SLC20A2: variants seen among roughly 807,000 people sequenced by gnomAD.
SLC20A2 encodes the protein solute carrier family 20 member 2, also known as sodium-dependent phosphate transporter 2.
Under a neutral mutation model 61.0 loss-of-function variants are expected in SLC20A2, and 30 were observed. That is an observed-to-expected ratio of 0.49 (90% CI 0.37 to 0.67). The LOEUF (loss-of-function observed/expected upper bound fraction) is 0.67, where lower values mean the gene tolerates loss of function less well. Among genes scored for constraint, SLC20A2 ranks in the 30% least tolerant of loss-of-function variants. The pLI, the probability that SLC20A2 is intolerant of heterozygous loss-of-function variation, is 0.00. For synonymous variants in SLC20A2, 351 were observed against 353.3 expected (o/e 0.99, Z 0.07); for missense variants, 626 against 866.4 (o/e 0.72, Z 3.48).
chr8:42,518,162 G>A (rs971346020), intron 1 of SLC20A2, among the ~76,000 whole-genome samples: 2 of 151,918 alleles, frequency 1.3e-5, no homozygotes, highest in Admixed American at 6.6e-5. Flanking sequence ...GGATGGTCTC[G>A]ATCTCCTGAC....
At chr8:42,436,716 C>T (rs1804289543) in intron 8 of SLC20A2, among the ~76,000 whole-genome samples, 1 of 152,238 alleles carries the variant, frequency 6.6e-6, no homozygotes, top group South Asian at 2.1e-4. Flanking sequence ...GCCCCTGCAC[C>T]TCCGTCACCG....
At chr8:42,446,056 T>A (rs1022746679) in intron 5 of SLC20A2, among the ~76,000 whole-genome samples, 1 of 152,236 alleles carries the variant, frequency 6.6e-6, no homozygotes, top group African/African-American at 2.4e-5. Flanking sequence ...CCTAGCCTCA[T>A]GGGATGTTCC....
At chr8:42,427,109 T>C (rs1435236858) in intron 10 of SLC20A2, among the ~76,000 whole-genome samples, 2 of 152,250 alleles carry the variant, frequency 1.3e-5, no homozygotes, top group East Asian at 3.8e-4. Context: ...TCCTTCCCCA[T>C]GCTTGCCAGG....
intron 1 of SLC20A2, among the ~76,000 whole-genome samples, chr8:42,491,794 T>C (rs558228007): frequency 2.0e-5 from 3 of 152,356 alleles, no homozygotes; most frequent in African/African-American, 4.8e-5. Context: ...ACATTTTCTT[T>C]CTTCTTTTAA....
chr8:42,496,356 A>T (rs959854419), intron 1 of SLC20A2, among the ~76,000 whole-genome samples: 1 of 152,238 alleles, frequency 6.6e-6, no homozygotes, highest in African/African-American at 2.4e-5. Context: ...CACTTCTGTC[A>T]AGCGAAAGCA....
chr8:42,531,632 T>G (rs1812326154), intron 1 of SLC20A2, among the ~76,000 whole-genome samples: 1 of 152,140 alleles, frequency 6.6e-6, no homozygotes, highest in Non-Finnish European at 1.5e-5. Flanking sequence ...ATGCTACAAC[T>G]ACAGGGTCCA....
At chr8:42,521,695 G>A (rs1276791295) in intron 1 of SLC20A2, among the ~76,000 whole-genome samples, 1 of 120,242 alleles carries the variant, frequency 8.3e-6, no homozygotes, top group African/African-American at 2.6e-5. Context: ...TTGCCATGTT[G>A]CCCAGACTGG....
Position 42,472,394 on chromosome 8 carries a change from G to C in SLC20A2, c.-4C>G, listed in dbSNP as rs1288223915. The C allele has an allele frequency of 6.2e-7, 1 of 1,607,004 alleles. No homozygotes were observed. The highest frequency in any genetic ancestry group is 1.7e-5 in the Admixed American group (1 of 59,548). On this transcript the variant is annotated 5_prime_UTR_variant, in exon 2 of 11. Transcript: ENST00000520262. The surrounding 1 kb of genome is among the most constrained non-coding windows in gnomAD (Gnocchi z 4.1). Reference sequence around the variant, plus strand: ...ACAAATACTCATCCATGGCCATTTTGGAAAGTGGGTGCCGGGTACTTTTCT... The same window carrying C: ...ACAAATACTCATCCATGGCCATTTTCGAAAGTGGGTGCCGGGTACTTTTCT...
At chr8:42,429,913 T>C in intron 9 of SLC20A2, 151 bp downstream of exon 9, 1 of 576,862 alleles carries the variant, frequency 1.7e-6, no homozygotes, top group Non-Finnish European at 2.9e-6. Context: ...GGTGGCATGC[T>C]AGGTGGGGCC....
chr8:42,504,199 C>T (rs1010148268), upstream of SLC20A2, among the ~76,000 whole-genome samples: 2 of 152,210 alleles, frequency 1.3e-5, no homozygotes, highest in African/African-American at 4.8e-5. Flanking sequence ...CCTCAGCCTC[C>T]CAAAGCACTG....
chr8:42,430,192 C>A lies in SLC20A2; in HGVS notation c.1581G>T (p.Thr527=). The change falls in exon 9 of 11, where the codon ACG becomes ACT. Residue 527 remains threonine, a synonymous_variant. Coordinates refer to ENST00000520262, the MANE Select transcript of SLC20A2 (RefSeq NM_001257180.2). ...LWLIYKQGGV[T]QEAATPVWLL... is the part of the protein sequence containing the mutation. ...GCCAGACGGGTGTAGCTGCTTCTTG[C>A]GTTACCCCGCCTTGTTTGTAAATCA... 6.2e-7 allele frequency: 1 copy of A among 1,613,964 alleles called. No homozygotes were observed. The highest frequency in any genetic ancestry group is 8.5e-7 in the Non-Finnish European group (1 of 1,179,950).
intron 1 of SLC20A2, among the ~76,000 whole-genome samples, chr8:42,495,540 C>A (rs974320489): frequency 3.9e-5 from 6 of 151,940 alleles, no homozygotes; most frequent in Non-Finnish European, 8.8e-5. Flanking sequence ...ACAGTGCATG[C>A]AGCTTCATGT....
intron 1 of SLC20A2, among the ~76,000 whole-genome samples, chr8:42,498,614 A>T (rs1563526645): frequency 1.3e-5 from 2 of 152,060 alleles, no homozygotes. Context: ...ATGCCCGAGA[A>T]ATCAGCCTTC....
intron 1 of SLC20A2, among the ~76,000 whole-genome samples, chr8:42,517,332 C>A (rs1345020205): frequency 6.7e-6 from 1 of 149,170 alleles, no homozygotes; most frequent in Non-Finnish European, 1.5e-5. Context: ...CGTGCCACTG[C>A]ACTCCAGCCT....
chr8:42,507,180 GC>G (rs1810758804), intron 1 of SLC20A2, among the ~76,000 whole-genome samples: 1 of 152,060 alleles, frequency 6.6e-6, no homozygotes, highest in South Asian at 2.1e-4. Context: ...GTTTTTTTGA[GC>G]CACTAGTATC....
intron 7 of SLC20A2, among the ~76,000 whole-genome samples, chr8:42,438,079 A>AAAAAAAAAAAAAAAAAAAAAAAAAC (rs1804477270): frequency 6.8e-6 from 1 of 147,906 alleles, no homozygotes; most frequent in African/African-American, 2.5e-5. Flanking sequence ...AAAAAAAAAA[A>AAAAAAAAAAAAAAAAAAAAAAAAAC]AAAAAAAAAA....
chr8:42,457,195 G>C (rs1052320336), intron 5 of SLC20A2, among the ~76,000 whole-genome samples: 1 of 151,900 alleles, frequency 6.6e-6, no homozygotes, highest in African/African-American at 2.4e-5. Flanking sequence ...CCCAAACAGC[G>C]GGGATTATAG....
intron 1 of SLC20A2, among the ~76,000 whole-genome samples, chr8:42,493,689 G>C (rs546014830): frequency 6.6e-6 from 1 of 152,284 alleles, no homozygotes; most frequent in African/African-American, 2.4e-5. Context: ...TTAAGATCCA[G>C]TGTGGTAGTG....
Position 42,417,792 on chromosome 8 carries a change from A to T in SLC20A2, c.*11T>A. 6.2e-7 allele frequency: 1 copy of T among 1,613,460 alleles called. No homozygotes were observed. Among genetic ancestry groups the T allele is most frequent in the Non-Finnish European group, 8.5e-7 (1 of 1,179,498 alleles). On this transcript the variant is annotated 3_prime_UTR_variant, in exon 11 of 11. Coordinates refer to ENST00000520262, the MANE Select transcript of SLC20A2 (RefSeq NM_001257180.2). ...CATCCCTTTAGCTGTTTGCAGCTGG[A>T]AGAAGACAAATCACACATATGGAAG...
Sources: gnomAD v4.1 joint callset for allele counts (sites outside exome capture counted in the v4.1 genomes callset) on GRCh38, gnomAD v4.1.1 for gene constraint, Gnocchi (gnomAD v3.1) non-coding constraint, MANE v1.5 for transcripts, NCBI Gene and HGNC (gene_info 2026-07-23, HGNC 2026-07-21) for gene names.